Variants in CCDC63 observed in about 807,000 individuals in gnomAD.
The protein encoded by CCDC63 is coiled-coil domain containing 63.
CCDC63 carries 54 observed loss-of-function variants against 63.6 expected under a neutral mutation model. That is an observed-to-expected ratio of 0.85 (90% CI 0.68 to 1.07). The LOEUF (loss-of-function observed/expected upper bound fraction) is 1.07, where lower values mean the gene tolerates loss of function less well. Ranked by LOEUF, CCDC63 falls within the 50% of genes least tolerant of loss-of-function variation. CCDC63 has a pLI of 0.00. For missense variants in CCDC63, 637 were observed against 689.6 expected, an observed-to-expected ratio of 0.92 and a Z score of 0.86; for synonymous variants, 253 against 266.1, an observed-to-expected ratio of 0.95 and a Z score of 0.48.
At chr12:110,906,497 T>A (rs748695377) in intron 11 of CCDC63, among the ~76,000 whole-genome samples, 1 of 152,052 alleles carries the variant, frequency 6.6e-6, no homozygotes, top group South Asian at 2.1e-4. Flanking sequence ...TTCTGTATTG[T>A]TTGAAATTTT....
chr12:110,895,498 C>A (rs537667447), intron 9 of CCDC63, among the ~76,000 whole-genome samples: 1 of 152,214 alleles, frequency 6.6e-6, no homozygotes. Flanking sequence ...TTCTTGAAAC[C>A]CTTTATTTCA....
At chr12:110,886,389 A>G (rs1249681984) in intron 8 of CCDC63, among the ~76,000 whole-genome samples, 1 of 152,080 alleles carries the variant, frequency 6.6e-6, no homozygotes, top group Non-Finnish European at 1.5e-5. Context: ...TCGTCTCAAA[A>G]AAAACCAAAA....
chr12:110,893,445 C>T (rs2071382388), intron 9 of CCDC63, among the ~76,000 whole-genome samples: 1 of 152,182 alleles, frequency 6.6e-6, no homozygotes, highest in Non-Finnish European at 1.5e-5. Context: ...GCAATTTCAT[C>T]CCTGATGGGC....
intron 9 of CCDC63, among the ~76,000 whole-genome samples, chr12:110,893,680 C>A (rs2071384994): frequency 6.6e-6 from 1 of 152,186 alleles, no homozygotes; most frequent in African/African-American, 2.4e-5. Flanking sequence ...AGTTAAGTCA[C>A]TTGACCAACA....
rs115748204 is a variant in CCDC63, at chr12:110,899,055, C to T, written c.1272C>T (p.Asp424=). The change falls in exon 10 of 12, where the codon GAC becomes GAT. Residue 424 remains aspartate (D), a synonymous_variant. Coordinates refer to ENST00000308208, the MANE Select transcript of CCDC63 (RefSeq NM_152591.3). The part of the protein sequence containing the change: ...VEKLFKKINC[D]ATKILVQLGE... Reference sequence around the variant, plus strand: ...AACTGTTCAAGAAGATAAACTGTGACGCCACCAAGATCCTGGTGCAGTTAG... The same window carrying T: ...AACTGTTCAAGAAGATAAACTGTGATGCCACCAAGATCCTGGTGCAGTTAG... 1.9e-4 allele frequency: 314 copies of T among 1,613,784 alleles called. 6 individuals are homozygous for T. The South Asian group carries it at 3.1e-3, about 16-fold the overall frequency.
intron 4 of CCDC63, 41 bp from the exon 5 acceptor site, chr12:110,873,801 T>C (rs372752840): frequency 1.9e-6 from 3 of 1,608,364 alleles, no homozygotes; most frequent in Non-Finnish European, 2.5e-6. Flanking sequence ...CCCATACAGA[T>C]GCTAACACAG....
At chr12:110,852,200 G>A (rs767276693) in intron 1 of CCDC63, among the ~76,000 whole-genome samples, 13 of 152,172 alleles carry the variant, frequency 8.5e-5, no homozygotes, top group Non-Finnish European at 1.3e-4. Flanking sequence ...TTCCCTGACA[G>A]CTGCAATTGA....
chr12:110,877,704 C>CT (rs869085659), intron 5 of CCDC63, among the ~76,000 whole-genome samples: 1,430 of 142,940 alleles, frequency 0.01, 41 homozygotes, highest in African/African-American at 0.036. Flanking sequence ...GACTTTCTTT[C>CT]TTTCTTTTTT....
chr12:110,893,380 C>T (rs988794388), intron 9 of CCDC63, among the ~76,000 whole-genome samples: 1 of 152,210 alleles, frequency 6.6e-6, no homozygotes, highest in Non-Finnish European at 1.5e-5. Flanking sequence ...TCCCTTCTTC[C>T]ATTCTAAAGC....
intron 4 of CCDC63, among the ~76,000 whole-genome samples, chr12:110,872,430 T>G (rs1306079405): frequency 1.3e-5 from 2 of 152,212 alleles, no homozygotes; most frequent in Non-Finnish European, 2.9e-5. Context: ...GCTGACTGTA[T>G]CCACAACTCG....
chr12:110,867,332 C>A (rs1258022960), intron 4 of CCDC63, among the ~76,000 whole-genome samples: 2 of 106,910 alleles, frequency 1.9e-5, no homozygotes, highest in African/African-American at 3.9e-5. Flanking sequence ...CCAGACGGGG[C>A]GGCTGGCCGG....
At chr12:110,845,870 C>T (rs1017353452), upstream of CCDC63, 1 of 150,432 alleles carries the variant, frequency 6.6e-6, no homozygotes, top group Admixed American at 6.7e-5. Flanking sequence ...ATTCTCCTGC[C>T]CTAGCCTCCC....
chr12:110,866,734 G>A (rs1281834907), intron 4 of CCDC63, among the ~76,000 whole-genome samples: 18 of 147,552 alleles, frequency 1.2e-4, no homozygotes, highest in Admixed American at 6.1e-4. Flanking sequence ...ACACAGACAC[G>A]GCAACCATCC....
chr12:110,877,211 C>T (rs1023325270), intron 5 of CCDC63, among the ~76,000 whole-genome samples: 5 of 144,886 alleles, frequency 3.5e-5, no homozygotes, highest in Admixed American at 2.8e-4. Context: ...AAATACAGTA[C>T]AATTTTTTTT....
chr12:110,891,456 G>C (rs2071355393), intron 8 of CCDC63, among the ~76,000 whole-genome samples: 1 of 151,916 alleles, frequency 6.6e-6, no homozygotes, highest in South Asian at 2.1e-4. Flanking sequence ...TTCAAGACCA[G>C]CCTGGGCAAC....
At chr12:110,869,289 C>G (rs1048919132) in intron 4 of CCDC63, among the ~76,000 whole-genome samples, 1 of 152,152 alleles carries the variant, frequency 6.6e-6, no homozygotes. Flanking sequence ...GCCACCATCT[C>G]GACACAAACA....
chr12:110,880,693 A>G (rs1362000211), intron 6 of CCDC63, among the ~76,000 whole-genome samples: 1 of 148 alleles, frequency 6.8e-3, no homozygotes, highest in African/African-American at 0.031. Flanking sequence ...TAATGATGGT[A>G]ATGATGGTGA....
At chr12:110,888,837 C>CCTTA (rs2071320190) in intron 8 of CCDC63, among the ~76,000 whole-genome samples, 1 of 135,152 alleles carries the variant, frequency 7.4e-6, no homozygotes, top group Non-Finnish European at 1.5e-5. Context: ...TTCCTTCCTT[C>CCTTA]CTTCCTTCCT....
At chr12:110,857,494 G>A (rs2070789365) in intron 3 of CCDC63, among the ~76,000 whole-genome samples, 1 of 152,196 alleles carries the variant, frequency 6.6e-6, no homozygotes, top group African/African-American at 2.4e-5. Context: ...ACTCGATCCT[G>A]TAATAAAGCA....
Sources: allele counts gnomAD v4.1 joint callset (sites outside exome capture counted in the v4.1 genomes callset), GRCh38; gene constraint gnomAD v4.1.1; transcripts MANE v1.5; gene names NCBI Gene and HGNC (gene_info 2026-07-23, HGNC 2026-07-21).